Variants in CNTNAP2 observed in about 807,000 individuals in gnomAD.
The protein encoded by CNTNAP2 is contactin-associated protein-like 2.
Under a neutral mutation model 155.2 loss-of-function variants are expected in CNTNAP2, and 98 were observed. The ratio of observed to expected loss-of-function variants is 0.63; its 90% confidence interval spans 0.54 to 0.75. The LOEUF is 0.75. Among genes scored for constraint, CNTNAP2 ranks in the 30% least tolerant of loss-of-function variants. The pLI is 0.00. For synonymous variants in CNTNAP2, 651 were observed against 631.2 expected, an observed-to-expected ratio of 1.03 and a Z score of -0.47; for missense variants, 1,727 against 1,688.1, an observed-to-expected ratio of 1.02 and a Z score of -0.40.
intron 4 of CNTNAP2, among the ~76,000 whole-genome samples, chr7:147,096,848 G>T (rs1413323118): frequency 1.3e-5 from 2 of 152,188 alleles, no homozygotes; most frequent in African/African-American, 2.4e-5. Flanking sequence ...AAATCACTGA[G>T]GTGTGTTCAC....
intron 13 of CNTNAP2, among the ~76,000 whole-genome samples, chr7:147,740,445 A>G (rs964793994): frequency 6.6e-6 from 1 of 152,186 alleles, no homozygotes; most frequent in Non-Finnish European, 1.5e-5. Flanking sequence ...CAACAAACCC[A>G]CTGAGGCTTG....
chr7:146,812,015 CTT>C (rs1319728236), intron 2 of CNTNAP2, among the ~76,000 whole-genome samples: 4 of 152,070 alleles, frequency 2.6e-5, no homozygotes, highest in African/African-American at 7.2e-5. Flanking sequence ...TCAGGTATGT[CTT>C]TATTGGCAGC....
chr7:147,108,293 G>C lies in CNTNAP2; in HGVS notation c.697G>C (p.Gly233Arg), dbSNP rs1800807242. ...AATCCTGCACGGAGAAGGACAGCAA[G>C]GAGATTACATTACCTTGGAACTGAA... Reference protein sequence around the residue: ...GVILHGEGQQGDYITLELKKA... With the variant: ...GVILHGEGQQRDYITLELKKA... Residue 233 changes from glycine (G) to arginine (R), a missense_variant, in exon 5 of 24, where the codon GGA (glycine) becomes CGA (arginine). By Grantham distance (125) the Gly-to-Arg change is moderately radical. Transcript: ENST00000361727. The C allele has an allele frequency of 6.2e-7, 1 of 1,613,684 alleles. No homozygotes were observed. The highest frequency in any genetic ancestry group is 1.7e-5 in the Admixed American group (1 of 59,954).
chr7:146,635,630 G>A (rs1799584812), intron 1 of CNTNAP2, among the ~76,000 whole-genome samples: 1 of 152,148 alleles, frequency 6.6e-6, no homozygotes, highest in South Asian at 2.1e-4. Context: ...GCTGCATGGG[G>A]TAGACTGTAA....
intron 12 of CNTNAP2, among the ~76,000 whole-genome samples, chr7:147,608,704 A>C (rs1278177872): frequency 6.6e-6 from 1 of 152,232 alleles, no homozygotes; most frequent in East Asian, 1.9e-4. Flanking sequence ...GAGTATTATC[A>C]GCACTGTCAC....
intron 1 of CNTNAP2, among the ~76,000 whole-genome samples, chr7:146,382,926 A>G (rs11971943): frequency 0.16 from 24,686 of 152,100 alleles, 2,493 homozygotes; most frequent in African/African-American, 0.29. Flanking sequence ...TTGAAAATTA[A>G]CTCCCAATGT....
chr7:148,326,222 C>T (rs1797884085), intron 21 of CNTNAP2, among the ~76,000 whole-genome samples: 1 of 152,018 alleles, frequency 6.6e-6, no homozygotes, highest in African/African-American at 2.4e-5. Context: ...TACTTTGACC[C>T]TGTCTTTGAG....
rs956388007 is a variant in CNTNAP2, at chr7:148,417,404, C to A, written c.*1788C>A. 2.0e-5 allele frequency: 3 copies of A among 152,612 alleles called. No individual in the cohort carries two copies. Among genetic ancestry groups the A allele is most frequent in the African/African-American group, 7.2e-5 (3 of 41,434 alleles). The allele number at this position is 152,612 out of a possible 1,614,324, so 9.5% of individuals were successfully genotyped here. ...TGGACCAGTTAATTCCCATACAAGT[C>A]AAGGTAACAGAACAAAAGGGAATCC... is the stretch of plus-strand genomic sequence containing the variant. On this transcript the variant is annotated 3_prime_UTR_variant, in exon 24 of 24. Transcript: ENST00000361727.
chr7:147,335,689 A>G (rs1409365447), intron 9 of CNTNAP2, among the ~76,000 whole-genome samples: 1 of 152,182 alleles, frequency 6.6e-6, no homozygotes, highest in Non-Finnish European at 1.5e-5. Context: ...GCAGAGGGTA[A>G]CATTTTTCTT....
intron 13 of CNTNAP2, among the ~76,000 whole-genome samples, chr7:147,878,212 A>G (rs143413094): frequency 8.5e-5 from 13 of 152,100 alleles, no homozygotes; most frequent in African/African-American, 3.1e-4. Context: ...CTCATTGGAA[A>G]ATTATCTATT....
intron 12 of CNTNAP2, among the ~76,000 whole-genome samples, chr7:147,575,466 G>T (rs564163985): frequency 7.0e-5 from 10 of 142,180 alleles, no homozygotes; most frequent in African/African-American, 2.1e-4. Context: ...AGCTTTAGGG[G>T]TGTATATATG....
At chr7:146,691,563 C>G (rs1048841770) in intron 1 of CNTNAP2, among the ~76,000 whole-genome samples, 2 of 152,116 alleles carry the variant, frequency 1.3e-5, no homozygotes, top group Non-Finnish European at 2.9e-5. Context: ...ACTCAATACT[C>G]ATTTGCTTTT....
At chr7:147,261,915 A>G (rs1804476743) in intron 8 of CNTNAP2, among the ~76,000 whole-genome samples, 1 of 152,250 alleles carries the variant, frequency 6.6e-6, no homozygotes, top group South Asian at 2.1e-4. Flanking sequence ...AAGATAATTA[A>G]GAATCATAAT....
chr7:146,191,904 A>G (rs1442100116), intron 1 of CNTNAP2, among the ~76,000 whole-genome samples: 1 of 152,134 alleles, frequency 6.6e-6, no homozygotes, highest in African/African-American at 2.4e-5. Context: ...AGTTAACGCA[A>G]TCATCACAGG....
At chr7:146,252,846 C>T (rs1374472158) in intron 1 of CNTNAP2, among the ~76,000 whole-genome samples, 2 of 151,990 alleles carry the variant, frequency 1.3e-5, no homozygotes, top group African/African-American at 4.8e-5. Context: ...AGTTAATTTC[C>T]TTCTTAAAAT....
chr7:147,857,298 T>C (rs992241231), intron 13 of CNTNAP2, among the ~76,000 whole-genome samples: 2 of 152,220 alleles, frequency 1.3e-5, no homozygotes, highest in Non-Finnish European at 2.9e-5. Flanking sequence ...TGTATGTTAA[T>C]GTTAGTTGTT....
At chr7:146,408,391 T>G (rs1795822290) in intron 1 of CNTNAP2, among the ~76,000 whole-genome samples, 1 of 152,102 alleles carries the variant, frequency 6.6e-6, no homozygotes, top group Non-Finnish European at 1.5e-5. Flanking sequence ...AGGGACTGCC[T>G]CAGAGACCTC....
intron 15 of CNTNAP2, among the ~76,000 whole-genome samples, chr7:148,036,614 A>G (rs1262868679): frequency 1.3e-5 from 2 of 152,134 alleles, no homozygotes; most frequent in African/African-American, 4.8e-5. Flanking sequence ...TTTCATTCCA[A>G]TGGAATGAAA....
chr7:147,815,601 CA>C (rs1438811484), intron 13 of CNTNAP2, among the ~76,000 whole-genome samples: 3 of 152,166 alleles, frequency 2.0e-5, no homozygotes, highest in Non-Finnish European at 4.4e-5. Flanking sequence ...ATGTCCCACC[CA>C]GACAATCATC....
Sources: allele counts gnomAD v4.1 joint callset (sites outside exome capture counted in the v4.1 genomes callset), GRCh38; gene constraint gnomAD v4.1.1; transcripts MANE v1.5; gene names NCBI Gene and HGNC (gene_info 2026-07-23, HGNC 2026-07-21).